The following RUNDC3B variants were observed in gnomAD, a reference collection of about 807,000 sequenced individuals.
RUNDC3B encodes the protein RUN domain-containing protein 3B.
In RUNDC3B, 33 loss-of-function variants were observed where a neutral mutation model predicts 58.4. That is an observed-to-expected ratio of 0.56 (90% confidence interval 0.43 to 0.75). The LOEUF is 0.75. RUNDC3B is among the 30% of genes least tolerant of loss of function. The probability of loss-of-function intolerance (pLI) is 0.00; values close to 1 mark genes in which losing one functional copy is unlikely to be tolerated. For missense variants in RUNDC3B, 501 were observed against 535.7 expected (o/e 0.94, Z 0.64); for synonymous variants, 193 against 195.2 (o/e 0.99, Z 0.10).
chr7:87,711,636 G>C (rs1830094993), intron 4 of RUNDC3B, among the ~76,000 whole-genome samples: 1 of 152,044 alleles, frequency 6.6e-6, no homozygotes, highest in Non-Finnish European at 1.5e-5. Flanking sequence ...GACATAAACT[G>C]TTTAATGTAG....
intron 6 of RUNDC3B, among the ~76,000 whole-genome samples, chr7:87,744,765 C>T (rs1028842988): frequency 1.3e-5 from 2 of 152,142 alleles, no homozygotes; most frequent in Non-Finnish European, 2.9e-5. Context: ...CATCAGCAAA[C>T]AGTGACAGTT....
chr7:87,714,928 G>A lies in RUNDC3B; in HGVS notation c.458+4273G>A, dbSNP rs569279874. Among the ~76,000 whole-genome samples, 5 of 152,054 alleles carry A rather than the reference G, an allele frequency of 3.3e-5. No homozygotes were observed. The South Asian group carries it at 6.2e-4, about 19-fold the overall frequency. On this transcript the variant is annotated intron_variant, in intron 4 of 10. Transcript: ENST00000394654. ...CTCTCTGCAGGGGGAAGCACGTCAC[G>A]CGCTGTTGGCTCATTCTGGCAGTCC...
chr7:87,707,320 A>T (rs531432736), intron 3 of RUNDC3B, among the ~76,000 whole-genome samples: 1 of 152,292 alleles, frequency 6.6e-6, no homozygotes, highest in East Asian at 1.9e-4. Context: ...GTTCAAGAAA[A>T]TGGAAATAAA....
chr7:87,653,058 G>T (rs781391651), intron 2 of RUNDC3B, among the ~76,000 whole-genome samples: 2 of 151,928 alleles, frequency 1.3e-5, no homozygotes, highest in Non-Finnish European at 2.9e-5. Context: ...TACTCTAAAA[G>T]CCCCGTTATT....
At position 87,638,391 on chromosome 7, in the gene RUNDC3B, G is replaced by C. The variant is rs1292308679; in HGVS notation, c.122+9446G>C. On this transcript the variant is annotated intron_variant, in intron 1 of 10. Transcript: ENST00000394654. ...TGTGTGTGTGTGTGTTTCCTCCCCT[G>C]TTCTGTAGAAAAGTTTGTGTAAGAC... 6.7e-5 allele frequency among the ~76,000 whole-genome samples: 10 copies of C among 148,380 alleles called. No individual in the cohort carries two copies. The East Asian group carries it at 1.4e-3, about 20-fold the overall frequency.
chr7:87,697,816 C>T (rs1252591498), intron 2 of RUNDC3B, among the ~76,000 whole-genome samples: 1 of 152,084 alleles, frequency 6.6e-6, no homozygotes, highest in Non-Finnish European at 1.5e-5. Context: ...ATAAAGTGAA[C>T]CTAAGTCATT....
Position 87,769,826 on chromosome 7 carries a change from C to T in RUNDC3B, c.630-755C>T, listed in dbSNP as rs191503462. The stretch of plus-strand genomic sequence containing the variant: ...CTTGCTCCCCACTGCCAACAGGCCG[C>T]GGTGTGTGATGTTCCCCTCCCTGTG... On this transcript the variant is annotated intron_variant, in intron 6 of 10. Coordinates refer to ENST00000394654, the MANE Select transcript of RUNDC3B (RefSeq NM_001134405.2). Among the ~76,000 whole-genome samples the T allele has an allele frequency of 2.4e-3, 368 of 152,116 alleles. 1 individual carries two copies. Among genetic ancestry groups the T allele is most frequent in the African/African-American group, 8.2e-3 (342 of 41,492 alleles).
intron 3 of RUNDC3B, among the ~76,000 whole-genome samples, chr7:87,702,556 G>A (rs1165540713): frequency 6.6e-6 from 1 of 152,090 alleles, no homozygotes; most frequent in Non-Finnish European, 1.5e-5. Flanking sequence ...CTGGATTACA[G>A]GCGTTGAGTC....
chr7:87,816,886 C>A (rs1837073799), intron 10 of RUNDC3B, among the ~76,000 whole-genome samples: 1 of 152,098 alleles, frequency 6.6e-6, no homozygotes, highest in African/African-American at 2.4e-5. Context: ...GTTTTAAAAC[C>A]AGTCATCTAT....
At chr7:87,696,523 T>G (rs1409916154) in intron 2 of RUNDC3B, among the ~76,000 whole-genome samples, 1 of 152,186 alleles carries the variant, frequency 6.6e-6, no homozygotes, top group East Asian at 1.9e-4. Context: ...ATTATTTAGA[T>G]GAAATCCTAG....
chr7:87,683,302 A>G (rs979683911), intron 2 of RUNDC3B, among the ~76,000 whole-genome samples: 4 of 152,140 alleles, frequency 2.6e-5, no homozygotes, highest in African/African-American at 9.7e-5. Context: ...TCATGTGTTC[A>G]CTGGAATAGT....
chr7:87,774,151 A>G (rs546255621), intron 7 of RUNDC3B, among the ~76,000 whole-genome samples: 1 of 152,328 alleles, frequency 6.6e-6, no homozygotes, highest in Admixed American at 6.5e-5. Context: ...CCACTCATGA[A>G]ATTAAAGAAA....
intron 4 of RUNDC3B, among the ~76,000 whole-genome samples, chr7:87,734,541 C>CT (rs1420446197): frequency 6.6e-6 from 1 of 152,022 alleles, no homozygotes; most frequent in African/African-American, 2.4e-5. Context: ...TACCTCCTAC[C>CT]TTAAAAAAAA....
chr7:87,648,998 A>G (rs995608159), intron 1 of RUNDC3B, among the ~76,000 whole-genome samples: 1 of 152,074 alleles, frequency 6.6e-6, no homozygotes, highest in Non-Finnish European at 1.5e-5. Context: ...TAGCATAACT[A>G]TCAAGAGTAA....
chr7:87,662,610 A>G (rs1585034435), intron 2 of RUNDC3B, among the ~76,000 whole-genome samples: 1 of 152,136 alleles, frequency 6.6e-6, no homozygotes, highest in African/African-American at 2.4e-5. Context: ...CCATTGGTCT[A>G]TGTATCTCTT....
At chr7:87,697,887 G>T (rs573440540) in intron 2 of RUNDC3B, among the ~76,000 whole-genome samples, 66 of 152,068 alleles carry the variant, frequency 4.3e-4, no homozygotes, top group Non-Finnish European at 7.2e-4. Context: ...CAAAGCCCAT[G>T]TTCTTAACCA....
chr7:87,634,403 C>T (rs1332834016), intron 1 of RUNDC3B, among the ~76,000 whole-genome samples: 5 of 150,002 alleles, frequency 3.3e-5, no homozygotes, highest in African/African-American at 4.9e-5. Context: ...AGATGGATCA[C>T]CTGAGGTCAA....
chr7:87,722,070 C>T (rs1280923813), intron 4 of RUNDC3B, among the ~76,000 whole-genome samples: 1 of 151,610 alleles, frequency 6.6e-6, no homozygotes, highest in Non-Finnish European at 1.5e-5. Flanking sequence ...TTCCTTCTGC[C>T]TGTCTTTCCT....
chr7:87,816,023 A>C (rs1030020109), intron 9 of RUNDC3B, 118 bp from the exon 10 acceptor site: 4 of 696,320 alleles, frequency 5.7e-6, no homozygotes, highest in Non-Finnish European at 9.6e-6. Flanking sequence ...AATTTAGGAG[A>C]AATGCTGGGG....
Sources: gnomAD v4.1 joint callset for allele counts (sites outside exome capture counted in the v4.1 genomes callset) on GRCh38, gnomAD v4.1.1 for gene constraint, MANE v1.5 for transcripts, NCBI Gene and HGNC (gene_info 2026-07-23, HGNC 2026-07-21) for gene names.